The following SNRK variants were observed in gnomAD, a reference collection of about 807,000 sequenced individuals.
The protein encoded by SNRK is SNF related kinase.
In SNRK, 3 loss-of-function variants were observed where a neutral mutation model predicts 48.2. The observed-to-expected ratio is 0.06, with a 90% confidence interval of 0.03 to 0.16. The LOEUF (loss-of-function observed/expected upper bound fraction) is 0.16. Among genes scored for constraint, SNRK ranks in the 10% least tolerant of loss-of-function variants. The probability of loss-of-function intolerance (pLI) is 1.00; values close to 1 mark genes in which losing one functional copy is unlikely to be tolerated. For synonymous variants in SNRK, 376 were observed against 366.1 expected (o/e 1.03, Z -0.31); for missense variants, 627 against 976.0 (o/e 0.64, Z 4.76).
At chr3:43,295,711 A>T (rs986630082) in intron 1 of SNRK, among the ~76,000 whole-genome samples, 6 of 152,148 alleles carry the variant, frequency 3.9e-5, no homozygotes, top group Non-Finnish European at 5.9e-5. Flanking sequence ...AGGAGGAGGC[A>T]TGCTGTCCTT....
chr3:43,348,705 C>T lies in SNRK; in HGVS notation c.*148C>T. 1.2e-6 allele frequency: 1 copy of T among 809,374 alleles called. No individual in the cohort carries two copies. Among genetic ancestry groups the T allele is most frequent in the African/African-American group, 1.8e-5 (1 of 56,960 alleles). 50.1% of individuals were successfully genotyped at this position (809,374 alleles called of 1,614,324 possible). ...TCCATTTGTTCGCCTGATGATGTGA[C>T]AATGCATGGTCTTTGTGCATGCTGC... On this transcript the variant is annotated 3_prime_UTR_variant, in exon 7 of 7. Coordinates refer to ENST00000296088, the MANE Select transcript of SNRK (RefSeq NM_017719.5).
At chr3:43,320,930 GTTT>G (rs11327863) in intron 3 of SNRK, among the ~76,000 whole-genome samples, 6 of 133,516 alleles carry the variant, frequency 4.5e-5, no homozygotes, top group Non-Finnish European at 6.4e-5. Context: ...TTTTTTCAAG[GTTT>G]TTTTTTTTTT....
At chr3:43,325,208 C>G (rs1162582186) in intron 3 of SNRK, among the ~76,000 whole-genome samples, 1 of 152,194 alleles carries the variant, frequency 6.6e-6, no homozygotes, top group African/African-American at 2.4e-5. Context: ...CGCTTTCACC[C>G]AGGCTGGACT....
Position 43,348,417 on chromosome 3 carries a change from C to T in SNRK, c.2158C>T (p.Arg720Trp), listed in dbSNP as rs201545457. ...HMADTTTELE[R>W]IKSKNLKNNV... is the part of the protein sequence containing the mutation. ...GGCAGATACCACCACTGAATTGGAA[C>T]GGATAAAGAGCAAGAACCTGAAAAA... Residue 720 changes from arginine to tryptophan, a missense_variant, in exon 7 of 7, where the codon CGG becomes TGG. Arg to Trp is a moderately radical substitution (Grantham distance 101). Transcript: ENST00000296088. The T allele has an allele frequency of 2.8e-5, 45 of 1,612,046 alleles. No homozygotes were observed. The highest frequency in any genetic ancestry group is 3.4e-5 in the Admixed American group (2 of 59,622).
intron 1 of SNRK, among the ~76,000 whole-genome samples, chr3:43,297,458 TC>T (rs1465009226): frequency 6.6e-6 from 1 of 152,200 alleles, no homozygotes; most frequent in African/African-American, 2.4e-5. Flanking sequence ...GTAAGTATTA[TC>T]CCCATTTTAT....
intron 4 of SNRK, among the ~76,000 whole-genome samples, chr3:43,335,114 TA>T (rs1175375209): frequency 6.6e-6 from 1 of 152,196 alleles, no homozygotes; most frequent in Non-Finnish European, 1.5e-5. Flanking sequence ...CTCTTGTCTG[TA>T]GTATTTCGTG....
At chr3:43,295,669 T>C (rs1381939081) in intron 1 of SNRK, among the ~76,000 whole-genome samples, 3 of 152,220 alleles carry the variant, frequency 2.0e-5, no homozygotes, top group Non-Finnish European at 2.9e-5. Flanking sequence ...ATGGTTCTTA[T>C]CTTTGGTTTA....
chr3:43,323,754 G>A (rs2091073059), intron 3 of SNRK, among the ~76,000 whole-genome samples: 1 of 150,882 alleles, frequency 6.6e-6, no homozygotes, highest in Non-Finnish European at 1.5e-5. Context: ...GAAAAATGGT[G>A]ACCTATTGAT....
At position 43,293,545 on chromosome 3, in the gene SNRK, T is replaced by C. The variant is rs567458871; in HGVS notation, c.-168-6209T>C. ...CAGAAAAGCATAAAGAGAAAAAATA[T>C]CCTGTAATCTTACTAATTTAACATT... On this transcript the variant is annotated intron_variant, in intron 1 of 6. Coordinates refer to ENST00000296088, the MANE Select transcript of SNRK (RefSeq NM_017719.5). 2.6e-5 allele frequency among the ~76,000 whole-genome samples: 4 copies of C among 152,216 alleles called. No individual in the cohort carries two copies. The East Asian group carries it at 7.7e-4, about 29-fold the overall frequency.
intron 3 of SNRK, among the ~76,000 whole-genome samples, chr3:43,311,415 G>C (rs756994377): frequency 6.6e-6 from 1 of 152,052 alleles, no homozygotes; most frequent in African/African-American, 2.4e-5. Flanking sequence ...TGTTTCTGTC[G>C]TATCTAGGGA....
intron 4 of SNRK, among the ~76,000 whole-genome samples, chr3:43,338,344 C>T (rs1559469915): frequency 2.0e-5 from 3 of 152,186 alleles, no homozygotes; most frequent in Non-Finnish European, 1.5e-5. Flanking sequence ...AAGATGGTTT[C>T]ATTGAGTATG....
intron 5 of SNRK, 86 bp from the exon 6 acceptor site, chr3:43,343,258 T>C: frequency 6.8e-7 from 1 of 1,472,528 alleles, no homozygotes. Flanking sequence ...GAATTTAACT[T>C]GCTTGTACTT....
chr3:43,303,171 C>T lies in SNRK; in HGVS notation c.-33C>T. The stretch of plus-strand genomic sequence containing the variant: ...CTTATATGAGAAGATCTATTTTAAA[C>T]AGTCTAAATATTTTTTCTTCTGTTG... On this transcript the variant is annotated 5_prime_UTR_variant, in exon 3 of 7. Transcript: ENST00000296088. This position sits in a 1 kb window ranked among gnomAD's most constrained non-coding sequence, Gnocchi z 6.2. 6.7e-7 allele frequency: 1 copy of T among 1,496,066 alleles called. No homozygotes were observed. The allele number at this position is 1,496,066 out of a possible 1,614,324, so 92.7% of individuals were successfully genotyped here.
intron 3 of SNRK, among the ~76,000 whole-genome samples, chr3:43,329,506 G>T (rs1157149990): frequency 6.6e-6 from 1 of 152,016 alleles, no homozygotes; most frequent in Non-Finnish European, 1.5e-5. Context: ...CATTGCCTCA[G>T]TGGGAGAGTC....
chr3:43,298,932 A>G (rs2090877878), intron 1 of SNRK, among the ~76,000 whole-genome samples: 1 of 152,166 alleles, frequency 6.6e-6, no homozygotes, highest in South Asian at 2.1e-4. Flanking sequence ...TCTAGAGGAC[A>G]GTGTGTTGTA....
At position 43,341,243 on chromosome 3, in the gene SNRK, C is replaced by T. The variant is rs187937262; in HGVS notation, c.944+744C>T. Reference sequence around the variant, plus strand: ...TTGGCTCACTGCAAGCTCCGCCTCCCGGGTTCACGCCATTCTCCTGCCTCA... The same window carrying T: ...TTGGCTCACTGCAAGCTCCGCCTCCTGGGTTCACGCCATTCTCCTGCCTCA... On this transcript the variant is annotated intron_variant, in intron 5 of 6. Coordinates refer to ENST00000296088, the MANE Select transcript of SNRK (RefSeq NM_017719.5). Among the ~76,000 whole-genome samples the T allele has an allele frequency of 3.4e-4, 52 of 152,082 alleles. No individual in the cohort carries two copies. The East Asian group carries it at 9.3e-3, about 27-fold the overall frequency.
chr3:43,347,615 TGAG>T lies in SNRK; in HGVS notation c.1362_1364del (p.Glu454del), dbSNP rs767183082. ...GGGTGGAAGAAGATGAAGAGGAAGA[TGAG>T]GAGGACAAGAAACCCATGTCCCTCT... On this transcript the variant is annotated inframe_deletion, in exon 7 of 7. Coordinates refer to ENST00000296088, the MANE Select transcript of SNRK (RefSeq NM_017719.5). The surrounding 1 kb of genome is among the most constrained non-coding windows in gnomAD (Gnocchi z 5.4). 8.7e-6 allele frequency: 14 copies of T among 1,613,978 alleles called. No homozygotes were observed. Among genetic ancestry groups the T allele is most frequent in the Non-Finnish European group, 1.2e-5 (14 of 1,180,016 alleles).
intron 6 of SNRK, among the ~76,000 whole-genome samples, chr3:43,346,508 G>A (rs769788812): frequency 2.0e-5 from 3 of 152,230 alleles, no homozygotes; most frequent in Non-Finnish European, 4.4e-5. Context: ...TCCAGCTCCA[G>A]GTTGGGAGAT....
chr3:43,287,207 G>A (rs1200076793), intron 1 of SNRK, among the ~76,000 whole-genome samples: 1 of 152,180 alleles, frequency 6.6e-6, no homozygotes, highest in Non-Finnish European at 1.5e-5. Context: ...GTAGAGAAAG[G>A]GCAAAGGGGT....
Sources: allele counts gnomAD v4.1 joint callset (sites outside exome capture counted in the v4.1 genomes callset), GRCh38; gene constraint gnomAD v4.1.1; non-coding constraint Gnocchi (gnomAD v3.1); transcripts MANE v1.5; gene names NCBI Gene and HGNC (gene_info 2026-07-23, HGNC 2026-07-21).